GRIK1: variants seen among roughly 807,000 people sequenced by gnomAD.
GRIK1 encodes glutamate ionotropic receptor kainate type subunit 1, also known as glutamate receptor ionotropic, kainate 1.
Under a neutral mutation model 105.7 loss-of-function variants are expected in GRIK1, and 69 were observed. That is an observed-to-expected ratio of 0.65 (90% CI 0.54 to 0.80). The LOEUF (loss-of-function observed/expected upper bound fraction) is 0.80, where lower values mean the gene tolerates loss of function less well. GRIK1 is among the 30% of genes least tolerant of loss of function. GRIK1 has a pLI of 0.00. For missense variants in GRIK1, 1,109 were observed against 1,167.3 expected, an observed-to-expected ratio of 0.95 and a Z score of 0.73; for synonymous variants, 438 against 431.3, an observed-to-expected ratio of 1.02 and a Z score of -0.19.
chr21:29,782,404 G>A (rs2066148840), intron 1 of GRIK1, among the ~76,000 whole-genome samples: 1 of 152,170 alleles, frequency 6.6e-6, no homozygotes, highest in South Asian at 2.1e-4. Flanking sequence ...TGGGACATAT[G>A]TCAGGAATGG....
chr21:29,719,831 G>T (rs2064276681), intron 1 of GRIK1, among the ~76,000 whole-genome samples: 1 of 152,108 alleles, frequency 6.6e-6, no homozygotes, highest in African/African-American at 2.4e-5. Context: ...ATGTTTCAAG[G>T]CTCCTATGCA....
chr21:29,668,773 C>T (rs1485086286), intron 4 of GRIK1, among the ~76,000 whole-genome samples: 1 of 152,186 alleles, frequency 6.6e-6, no homozygotes, highest in African/African-American at 2.4e-5. Context: ...CTCCTTTCAG[C>T]CACTCCCTCA....
chr21:29,575,864 C>T (rs1369909718), intron 14 of GRIK1, among the ~76,000 whole-genome samples: 2 of 151,898 alleles, frequency 1.3e-5, no homozygotes, highest in South Asian at 2.1e-4. Flanking sequence ...AACAGCTGCC[C>T]CCCAAAAGAA....
intron 4 of GRIK1, among the ~76,000 whole-genome samples, chr21:29,658,980 T>A (rs1440048689): frequency 6.6e-6 from 1 of 152,216 alleles, no homozygotes; most frequent in Non-Finnish European, 1.5e-5. Flanking sequence ...ATGTAAATGA[T>A]CTTGTTTACA....
intron 1 of GRIK1, among the ~76,000 whole-genome samples, chr21:29,799,438 G>C (rs905378059): frequency 1.3e-5 from 2 of 152,162 alleles, no homozygotes; most frequent in Non-Finnish European, 2.9e-5. Context: ...GCCAGTAAAG[G>C]CCAACCTCAG....
chr21:29,626,649 C>T (rs545999141), intron 7 of GRIK1, among the ~76,000 whole-genome samples: 1 of 152,244 alleles, frequency 6.6e-6, no homozygotes, highest in Admixed American at 6.5e-5. Flanking sequence ...ACAATTCTCT[C>T]TCTAGTTTTT....
At chr21:29,785,414 A>T (rs2066230707) in intron 1 of GRIK1, among the ~76,000 whole-genome samples, 1 of 151,996 alleles carries the variant, frequency 6.6e-6, no homozygotes, top group Non-Finnish European at 1.5e-5. Flanking sequence ...AATACAAAAA[A>T]TTACCTGATC....
intron 1 of GRIK1, among the ~76,000 whole-genome samples, chr21:29,800,821 T>C (rs1196367292): frequency 6.6e-6 from 1 of 152,196 alleles, no homozygotes; most frequent in Non-Finnish European, 1.5e-5. Context: ...GGTAAGACCC[T>C]GTATGTAGAC....
At chr21:29,751,815 A>T (rs545043213) in intron 1 of GRIK1, among the ~76,000 whole-genome samples, 1 of 152,274 alleles carries the variant, frequency 6.6e-6, no homozygotes, top group East Asian at 1.9e-4. Flanking sequence ...TCTAATGTAC[A>T]TTTGCATTAT....
intron 1 of GRIK1, among the ~76,000 whole-genome samples, chr21:29,824,580 A>T (rs909197330): frequency 1.3e-5 from 2 of 152,024 alleles, no homozygotes; most frequent in African/African-American, 4.8e-5. Context: ...GGAGCTCAGT[A>T]AACAAAAGGG....
In GRIK1 at chr21:29,866,429, C is replaced by G. The variant is rs150710826; in HGVS notation, c.118+72954G>C. Among the ~76,000 whole-genome samples the G allele has an allele frequency of 8.5e-3, 1,299 of 152,164 alleles. 21 individuals are homozygous for G. Among genetic ancestry groups the G allele is most frequent in the African/African-American group, 0.03 (1,251 of 41,506 alleles). ...TTTTTAAAGGAAGCACATGAAACTG[C>G]ACCTGCTATTACCTCTGGGATGTGG... On this transcript the variant is annotated intron_variant, in intron 1 of 17. Transcript: ENST00000327783.
chr21:29,848,092 G>A (rs192569021), intron 1 of GRIK1, among the ~76,000 whole-genome samples: 8 of 152,026 alleles, frequency 5.3e-5, no homozygotes, highest in South Asian at 2.1e-4. Context: ...TAACTTGATC[G>A]TCTCAGCCAA....
chr21:29,643,511 C>T (rs140218816), intron 6 of GRIK1, among the ~76,000 whole-genome samples: 7 of 152,316 alleles, frequency 4.6e-5, no homozygotes, highest in South Asian at 2.1e-4. Context: ...TGAAACTCAA[C>T]GGCAAGTTTT....
Position 29,651,222 on chromosome 21 carries a change from T to C in GRIK1, c.850A>G (p.Asn284Asp), listed in dbSNP as rs1386448684. Residue 284 changes from asparagine (N) to aspartate (D), a missense_variant, in exon 6 of 18, where the codon AAC (asparagine) becomes GAC (aspartate). This residue lies in a region of GRIK1 where 612 missense variants were observed against 586.0 expected (regional missense o/e 1.04). Transcript: ENST00000327783. The part of the protein sequence containing the change: ...GVNMTGFRLL[N>D]IDNPHVSSII... ...GATGACACGTGAGGGTTGTCAATGT[T>C]AAGCAGCCGAAACCCGGTCATGTTT... 1 of 1,613,772 alleles carries C rather than the reference T, an allele frequency of 6.2e-7. No individual in the cohort carries two copies. Among genetic ancestry groups the C allele is most frequent in the Non-Finnish European group, 8.5e-7 (1 of 1,179,676 alleles).
chr21:29,825,074 T>C (rs1391350048), intron 1 of GRIK1, among the ~76,000 whole-genome samples: 1 of 152,084 alleles, frequency 6.6e-6, no homozygotes, highest in Non-Finnish European at 1.5e-5. Context: ...TGATTAAAGA[T>C]TAGAGCCAGA....
intron 1 of GRIK1, among the ~76,000 whole-genome samples, chr21:29,876,361 C>G (rs886621540): frequency 2.0e-5 from 3 of 152,006 alleles, no homozygotes; most frequent in Admixed American, 6.6e-5. Context: ...TTCTTTACAT[C>G]AAATACATTA....
chr21:29,795,709 G>T (rs2066536959), intron 1 of GRIK1, among the ~76,000 whole-genome samples: 1 of 152,136 alleles, frequency 6.6e-6, no homozygotes, highest in Admixed American at 6.5e-5. Flanking sequence ...TTCCTACACA[G>T]AAATAACTTT....
At chr21:29,868,025 A>AAAGGAAGG (rs58785675) in intron 1 of GRIK1, among the ~76,000 whole-genome samples, 47 of 96,722 alleles carry the variant, frequency 4.9e-4, no homozygotes, top group African/African-American at 2.1e-3. Context: ...AGACAGAAAG[A>AAAGGAAGG]AAGGAAGGAA....
chr21:29,630,835 T>C (rs2062252360), intron 7 of GRIK1: 5 of 350,882 alleles, frequency 1.4e-5, no homozygotes, highest in South Asian at 1.1e-4. Context: ...GTTCTCTCTC[T>C]GTCACCTAGG....
Sources: gnomAD v4.1 joint callset for allele counts (sites outside exome capture counted in the v4.1 genomes callset) on GRCh38, gnomAD v4.1.1 for gene constraint, gnomAD v4.1.1 regional missense constraint, MANE v1.5 for transcripts, NCBI Gene and HGNC (gene_info 2026-07-23, HGNC 2026-07-21) for gene names.